FSTL5: variants seen among roughly 807,000 people sequenced by gnomAD.
The protein encoded by FSTL5 is follistatin-related protein 5.
FSTL5 carries 62 observed loss-of-function variants against 89.1 expected under a neutral mutation model. The observed-to-expected ratio is 0.70, with a 90% CI of 0.57 to 0.86. The LOEUF (loss-of-function observed/expected upper bound fraction) is 0.86, where lower values mean the gene tolerates loss of function less well. Ranked by LOEUF, FSTL5 falls within the 40% of genes least tolerant of loss-of-function variation. The pLI, the probability that FSTL5 is intolerant of heterozygous loss-of-function variation, is 0.00. For synonymous variants in FSTL5, 383 were observed against 346.2 expected (o/e 1.11, Z -1.18); for missense variants, 1,057 against 1,001.6 (o/e 1.06, Z -0.75).
intron 8 of FSTL5, among the ~76,000 whole-genome samples, chr4:161,572,632 T>C (rs1247775052): frequency 1.3e-5 from 2 of 152,162 alleles, no homozygotes; most frequent in Non-Finnish European, 2.9e-5. Context: ...ATAAACTTTC[T>C]AGAAAATTTT....
At chr4:161,890,613 G>A (rs1946582) in intron 4 of FSTL5, among the ~76,000 whole-genome samples, 124,894 of 149,766 alleles carry the variant, frequency 0.83, 52,706 homozygotes, top group Non-Finnish European at 0.9. Flanking sequence ...GCTTGAACCC[G>A]GGTGGTGGAG....
intron 4 of FSTL5, among the ~76,000 whole-genome samples, chr4:161,894,968 T>C (rs1038737615): frequency 2.0e-5 from 3 of 152,244 alleles, no homozygotes; most frequent in Admixed American, 1.3e-4. Flanking sequence ...TTATAATAGC[T>C]ATCATACACA....
chr4:161,820,967 T>A (rs1386938179), intron 4 of FSTL5, among the ~76,000 whole-genome samples: 1 of 150,914 alleles, frequency 6.6e-6, no homozygotes, highest in Non-Finnish European at 1.5e-5. Context: ...ACCACCAAAC[T>A]CTTTACAAAT....
chr4:161,402,236 C>T (rs979731848), intron 15 of FSTL5, among the ~76,000 whole-genome samples: 29 of 152,110 alleles, frequency 1.9e-4, no homozygotes, highest in Admixed American at 9.8e-4. Context: ...AAAAAGCAAT[C>T]ATTTAATAAA....
chr4:161,610,038 T>C lies in FSTL5; in HGVS notation c.895-22463A>G, dbSNP rs1164713411. ...TTTGGAATAATCACTTTATTCATTTTATCTGAGTAGTACGTGTATGTGTCA... is the reference window on the plus strand; with the variant it reads ...TTTGGAATAATCACTTTATTCATTTCATCTGAGTAGTACGTGTATGTGTCA... On this transcript the variant is annotated intron_variant, in intron 7 of 15. Coordinates refer to ENST00000306100, the MANE Select transcript of FSTL5 (RefSeq NM_020116.5). Among the ~76,000 whole-genome samples, 6 of 152,182 alleles carry C rather than the reference T, an allele frequency of 3.9e-5. No individual in the cohort carries two copies. In the East Asian group the frequency reaches 9.6e-4, roughly 24 times the overall value.
intron 3 of FSTL5, among the ~76,000 whole-genome samples, chr4:161,957,775 T>C (rs1309335423): frequency 6.6e-6 from 1 of 152,160 alleles, no homozygotes; most frequent in Admixed American, 6.6e-5. Flanking sequence ...AAGTATACAA[T>C]TTAAAGCTTT....
chr4:161,922,875 T>C (rs909587977), intron 3 of FSTL5, among the ~76,000 whole-genome samples: 11 of 151,980 alleles, frequency 7.2e-5, no homozygotes, highest in Non-Finnish European at 1.6e-4. Flanking sequence ...TTGCTATTTT[T>C]ACATGATTGC....
At chr4:161,412,408 G>A (rs1295823530) in intron 15 of FSTL5, among the ~76,000 whole-genome samples, 1 of 151,986 alleles carries the variant, frequency 6.6e-6, no homozygotes, top group African/African-American at 2.4e-5. Context: ...GACCAAAGCT[G>A]GAGGCATCAC....
chr4:162,014,534 A>G (rs1454700088), intron 3 of FSTL5, among the ~76,000 whole-genome samples: 2 of 152,094 alleles, frequency 1.3e-5, no homozygotes, highest in African/African-American at 4.8e-5. Context: ...CTGTGCCTTG[A>G]GTTAGATAAA....
intron 15 of FSTL5, among the ~76,000 whole-genome samples, chr4:161,416,852 A>G (rs1313498717): frequency 4.0e-5 from 6 of 149,726 alleles, no homozygotes; most frequent in African/African-American, 1.5e-4. Context: ...CTCAAAAAAA[A>G]AAAAAAAAAG....
chr4:162,129,383 C>T (rs1247484683), intron 1 of FSTL5, among the ~76,000 whole-genome samples: 3 of 152,190 alleles, frequency 2.0e-5, no homozygotes, highest in African/African-American at 7.2e-5. Flanking sequence ...GAAAACTCAT[C>T]TGGAATTTAA....
At chr4:161,648,344 G>T (rs901346554) in intron 7 of FSTL5, among the ~76,000 whole-genome samples, 31 of 152,166 alleles carry the variant, frequency 2.0e-4, no homozygotes, top group African/African-American at 7.2e-4. Flanking sequence ...GAGCCCCACA[G>T]CCTGCCCATC....
At chr4:161,686,820 T>G (rs997523002) in intron 6 of FSTL5, among the ~76,000 whole-genome samples, 4 of 152,144 alleles carry the variant, frequency 2.6e-5, no homozygotes, top group African/African-American at 9.7e-5. Context: ...TAAATAAAAT[T>G]ATTTTATAGA....
intron 15 of FSTL5, among the ~76,000 whole-genome samples, chr4:161,399,092 A>C (rs945463826): frequency 6.6e-6 from 1 of 152,142 alleles, no homozygotes; most frequent in African/African-American, 2.4e-5. Flanking sequence ...AAATAAAATA[A>C]GCGAAGTCTG....
intron 3 of FSTL5, among the ~76,000 whole-genome samples, chr4:161,966,360 C>A (rs1361536305): frequency 2.0e-5 from 3 of 152,048 alleles, no homozygotes; most frequent in African/African-American, 7.2e-5. Context: ...ACGAATTACT[C>A]AGGAAATCTT....
At chr4:161,591,377 T>G (rs376317067) in intron 7 of FSTL5, among the ~76,000 whole-genome samples, 10 of 152,274 alleles carry the variant, frequency 6.6e-5, no homozygotes, top group Admixed American at 5.9e-4. Flanking sequence ...TATTCTAAAC[T>G]TCGACAGCCA....
rs190314194 is a variant in FSTL5 at position 161,760,050 on chromosome 4, T to C, written c.607-519A>G. ...CCTCCCCAGCTGGAATTTAAGTCATTTGGGATTGTGCATGAATTCCCTTGG... is the reference window on the plus strand; with the variant it reads ...CCTCCCCAGCTGGAATTTAAGTCATCTGGGATTGTGCATGAATTCCCTTGG... On this transcript the variant is annotated intron_variant, in intron 5 of 15. Transcript: ENST00000306100. 1.7e-3 allele frequency among the ~76,000 whole-genome samples: 258 copies of C among 152,282 alleles called. 7 individuals are homozygous for C. The highest frequency in any genetic ancestry group is 4.3e-4 in the Non-Finnish European group (29 of 68,008).
At chr4:161,951,791 T>TGTACTTTGAGATTTTAAAGTTAC (rs1236296328) in intron 3 of FSTL5, among the ~76,000 whole-genome samples, 4 of 152,062 alleles carry the variant, frequency 2.6e-5, no homozygotes, top group Non-Finnish European at 4.4e-5. Flanking sequence ...ATTGTTGAAA[T>TGTACTTTGAGATTTTAAAGTTAC]GTACTTTGAG....
At position 161,386,244 on chromosome 4, in the gene FSTL5, T is replaced by A; in HGVS notation, c.2047A>T (p.Thr683Ser). 1.2e-6 allele frequency: 2 copies of A among 1,614,008 alleles called. No homozygotes were observed. The highest frequency in any genetic ancestry group is 1.7e-6 in the Non-Finnish European group (2 of 1,179,978). The change falls in exon 16 of 16, where the codon ACT (threonine) becomes TCT (serine). Residue 683 changes from threonine to serine, a missense_variant. Around this residue, in one of 3 missense-constraint regions of FSTL5, gnomAD observed 980 missense variants for 903.2 expected, o/e 1.08. Transcript: ENST00000306100. Reference protein sequence around the residue: ...VSPQVMVDGVTDSVIGFNSDV... With the variant: ...VSPQVMVDGVSDSVIGFNSDV... ...CTATTGAACCCAATGACTGAGTCAG[T>A]TACACCGTCCACCATGACCTGTGGG...
Sources: gnomAD v4.1 joint callset for allele counts (sites outside exome capture counted in the v4.1 genomes callset) on GRCh38, gnomAD v4.1.1 for gene constraint, gnomAD v4.1.1 regional missense constraint, MANE v1.5 for transcripts, NCBI Gene and HGNC (gene_info 2026-07-23, HGNC 2026-07-21) for gene names.